Variants in TTLL11 observed in about 807,000 individuals in gnomAD.
TTLL11 encodes tubulin tyrosine ligase like 11.
A neutral mutation model predicts 51.7 loss-of-function variants in TTLL11; 42 were observed. That is an observed-to-expected ratio of 0.81 (90% confidence interval 0.64 to 1.05). The LOEUF is 1.05. Ranked by LOEUF, TTLL11 falls within the 50% of genes least tolerant of loss-of-function variation. The pLI is 0.00. For missense variants in TTLL11, 799 were observed against 940.4 expected (o/e 0.85, Z 1.97); for synonymous variants, 381 against 383.5 (o/e 0.99, Z 0.08).
chr9:121,918,121 G>A (rs75959939), intron 6 of TTLL11, among the ~76,000 whole-genome samples: 1,919 of 152,272 alleles, frequency 0.013, 48 homozygotes, highest in African/African-American at 0.043. Flanking sequence ...GGTGTGGGGT[G>A]TATCAGATTT....
intron 1 of TTLL11, among the ~76,000 whole-genome samples, chr9:122,082,077 CAAA>C (rs1411350543): frequency 7.9e-5 from 12 of 152,140 alleles, no homozygotes; most frequent in Non-Finnish European, 1.8e-4. Flanking sequence ...AGCAGATATG[CAAA>C]AACAGGCAGT....
rs1267553645 is a variant in TTLL11 at position 121,817,392 on chromosome 9, C to T, written c.*5195G>A. The T allele has an allele frequency of 2.0e-5, 3 of 152,226 alleles. No individual in the cohort carries two copies. The highest frequency in any genetic ancestry group is 2.0e-4 in the Admixed American group (3 of 15,280). The allele number at this position is 152,226 out of a possible 1,614,324, so 9.4% of individuals were successfully genotyped here. A position where few individuals can be genotyped will look rare whatever the true frequency, so the allele number is the denominator to read the frequency against. ...GAGCTTTTACCTTCATCCCTTCACA[C>T]TTTGTAGGAAGCCAGTAGCCAGGCT... On this transcript the variant is annotated 3_prime_UTR_variant, in exon 9 of 9. Transcript: ENST00000321582.
rs181157038 is a variant in TTLL11 at position 121,986,928 on chromosome 9, G to A, written c.1269+2267C>T. 5.3e-5 allele frequency among the ~76,000 whole-genome samples: 8 copies of A among 151,944 alleles called. No homozygotes were observed. In the East Asian group the frequency reaches 1.5e-3, roughly 29 times the overall value. ...ATAATAAATTGTGCATATTCACAATGGAATCTATAACAGTGCAAATGAGGC... is the reference window on the plus strand; with the variant it reads ...ATAATAAATTGTGCATATTCACAATAGAATCTATAACAGTGCAAATGAGGC... On this transcript the variant is annotated intron_variant, in intron 4 of 8. Coordinates refer to ENST00000321582, the MANE Select transcript of TTLL11 (RefSeq NM_001139442.2).
intron 6 of TTLL11, among the ~76,000 whole-genome samples, chr9:121,956,586 C>T (rs1409181126): frequency 6.6e-6 from 1 of 152,196 alleles, no homozygotes; most frequent in Non-Finnish European, 1.5e-5. Flanking sequence ...AGGATGGGGC[C>T]TACTGGCCGC....
chr9:122,081,242 T>C (rs938571340), intron 1 of TTLL11, among the ~76,000 whole-genome samples: 4 of 152,190 alleles, frequency 2.6e-5, no homozygotes, highest in Admixed American at 2.0e-4. Flanking sequence ...TACGGTCCAC[T>C]AGAACAAGAC....
At chr9:121,979,383 T>C (rs1842781003) in intron 4 of TTLL11, among the ~76,000 whole-genome samples, 1 of 152,228 alleles carries the variant, frequency 6.6e-6, no homozygotes, top group African/African-American at 2.4e-5. Flanking sequence ...CCATGTATAC[T>C]GCGAGATAGT....
chr9:122,050,196 T>A (rs983057982), intron 1 of TTLL11, among the ~76,000 whole-genome samples: 1 of 152,192 alleles, frequency 6.6e-6, no homozygotes, highest in African/African-American at 2.4e-5. Flanking sequence ...CGATAACACA[T>A]GGGAAAGCAC....
rs189059656 is a variant in TTLL11, at chr9:122,029,592, G to A, written c.693+2131C>T. 2.6e-5 allele frequency among the ~76,000 whole-genome samples: 4 copies of A among 152,360 alleles called. No homozygotes were observed. The East Asian group carries it at 5.8e-4, about 22-fold the overall frequency. ...GAAATTTTTTTTGTACAGCTGTACAGTGTGTGTTTTAAGCTAAGTGTTATT... is the reference window on the plus strand; with the variant it reads ...GAAATTTTTTTTGTACAGCTGTACAATGTGTGTTTTAAGCTAAGTGTTATT... On this transcript the variant is annotated intron_variant, in intron 3 of 8. Transcript: ENST00000321582.
intron 4 of TTLL11, among the ~76,000 whole-genome samples, chr9:121,987,367 C>A (rs1217955031): frequency 2.0e-5 from 3 of 152,094 alleles, no homozygotes; most frequent in East Asian, 3.8e-4. Flanking sequence ...CAGAGGTACC[C>A]CTTCTTCTCT....
rs551147400 is a variant in TTLL11, at chr9:121,907,637, T to C, written c.1482-36889A>G. 2.6e-5 allele frequency among the ~76,000 whole-genome samples: 4 copies of C among 152,314 alleles called. No homozygotes were observed. The South Asian group carries it at 8.3e-4, about 32-fold the overall frequency. On this transcript the variant is annotated intron_variant, in intron 6 of 8. Coordinates refer to ENST00000321582, the MANE Select transcript of TTLL11 (RefSeq NM_001139442.2). ...GATTCTTTCAGGCAATCACTGTGTG[T>C]CAACCCTGCTATCTGCCATGTCTAG... is the stretch of plus-strand genomic sequence containing the variant.
chr9:122,076,473 G>A (rs1845861848), intron 1 of TTLL11, among the ~76,000 whole-genome samples: 1 of 152,150 alleles, frequency 6.6e-6, no homozygotes, highest in Non-Finnish European at 1.5e-5. Flanking sequence ...CAGGAAAGGG[G>A]AAATAAAAGG....
chr9:121,903,399 G>A (rs1397079141), intron 6 of TTLL11, among the ~76,000 whole-genome samples: 1 of 152,150 alleles, frequency 6.6e-6, no homozygotes, highest in Non-Finnish European at 1.5e-5. Context: ...GGGCTTGGCT[G>A]AAAAGTACCT....
intron 3 of TTLL11, among the ~76,000 whole-genome samples, chr9:122,007,572 T>C (rs975349546): frequency 6.6e-6 from 1 of 151,478 alleles, no homozygotes. Flanking sequence ...TAGATATTGA[T>C]GGTAAAATAT....
intron 6 of TTLL11, among the ~76,000 whole-genome samples, chr9:121,966,176 A>G (rs1042349895): frequency 2.0e-5 from 3 of 152,374 alleles, no homozygotes; most frequent in African/African-American, 7.2e-5. Context: ...GGTGATAGGA[A>G]GTAATGAAAT....
chr9:122,037,662 A>G (rs1386849550), intron 2 of TTLL11, among the ~76,000 whole-genome samples: 1 of 152,212 alleles, frequency 6.6e-6, no homozygotes, highest in Non-Finnish European at 1.5e-5. Context: ...TAAGCCAAGA[A>G]AGACTCATAT....
At position 121,838,954 on chromosome 9, in the gene TTLL11, G is replaced by A. The variant is rs559654663; in HGVS notation, c.1841-16075C>T. On this transcript the variant is annotated intron_variant, in intron 8 of 8. Coordinates refer to ENST00000321582, the MANE Select transcript of TTLL11 (RefSeq NM_001139442.2). ...CTCTCCAGCTGCCGCTGTAACCCAC[G>A]CCCCTGCTCCCGTCACCCTGCGGGC... Among the ~76,000 whole-genome samples the A allele has an allele frequency of 1.1e-4, 17 of 152,220 alleles. No homozygotes were observed. The East Asian group carries it at 2.7e-3, about 24-fold the overall frequency.
intron 1 of TTLL11, among the ~76,000 whole-genome samples, chr9:122,045,880 C>A (rs1041950735): frequency 5.3e-5 from 8 of 152,016 alleles, no homozygotes; most frequent in African/African-American, 1.9e-4. Flanking sequence ...ATGGTGGTTG[C>A]CAGAGGCTGA....
chr9:122,042,620 C>T (rs1213187761), intron 1 of TTLL11, among the ~76,000 whole-genome samples: 1 of 152,322 alleles, frequency 6.6e-6, no homozygotes, highest in African/African-American at 2.4e-5. Flanking sequence ...AAAATCTGCA[C>T]ATGAATGTTT....
chr9:121,905,141 A>G (rs767396126), intron 6 of TTLL11, among the ~76,000 whole-genome samples: 14 of 152,286 alleles, frequency 9.2e-5, no homozygotes, highest in Admixed American at 3.3e-4. Flanking sequence ...CTAATATTGT[A>G]ATATTATATC....
Sources: gnomAD v4.1 joint callset for allele counts (sites outside exome capture counted in the v4.1 genomes callset) on GRCh38, gnomAD v4.1.1 for gene constraint, MANE v1.5 for transcripts, NCBI Gene and HGNC (gene_info 2026-07-23, HGNC 2026-07-21) for gene names.